Variants in IGFBP2 observed in about 807,000 individuals in gnomAD.
IGFBP2 encodes insulin-like growth factor-binding protein 2.
Under a neutral mutation model 26.2 loss-of-function variants are expected in IGFBP2, and 12 were observed. The observed-to-expected ratio is 0.46, with a 90% confidence interval of 0.29 to 0.74. IGFBP2 has a LOEUF of 0.74. Among genes scored for constraint, IGFBP2 ranks in the 30% least tolerant of loss-of-function variants. IGFBP2 has a pLI of 0.09. For synonymous variants in IGFBP2, 189 were observed against 200.6 expected, an observed-to-expected ratio of 0.94 and a Z score of 0.49; for missense variants, 328 against 441.2, an observed-to-expected ratio of 0.74 and a Z score of 2.30.
At chr2:216,663,903 C>G (rs763132788) in intron 3 of IGFBP2, 37 bp from the exon 4 acceptor site, 1 of 1,585,444 alleles carries the variant, frequency 6.3e-7, no homozygotes, top group South Asian at 1.1e-5. Flanking sequence ...AAGTTGCTGG[C>G]TGCGGGCTCC....
rs1284208940 is a variant in IGFBP2 at position 216,633,504 on chromosome 2, C to CCGCGCTGCCGACCGCCAG, written c.-18_-1dup. Reference sequence around the variant, plus strand: ...CCCGCTCGCTCGCTCGCCCGCCGCGCCGCGCTGCCGACCGCCAGCATGCTG... The same window carrying CCGCGCTGCCGACCGCCAG: ...CCCGCTCGCTCGCTCGCCCGCCGCGCCGCGCTGCCGACCGCCAGCGCGCTGCCGACCGCCAGCATGCTG... On this transcript the variant is annotated 5_prime_UTR_variant, in exon 1 of 4. Coordinates refer to ENST00000233809, the MANE Select transcript of IGFBP2 (RefSeq NM_000597.3). 1 of 703,110 alleles carries CCGCGCTGCCGACCGCCAG rather than the reference C, an allele frequency of 1.4e-6. No homozygotes were observed. Among genetic ancestry groups the CCGCGCTGCCGACCGCCAG allele is most frequent in the Non-Finnish European group, 1.8e-6 (1 of 569,588 alleles). 43.6% of individuals were successfully genotyped at this position (703,110 alleles called of 1,614,324 possible).
At chr2:216,635,844 C>T (rs892652516) in intron 1 of IGFBP2, among the ~76,000 whole-genome samples, 3 of 152,130 alleles carry the variant, frequency 2.0e-5, no homozygotes, top group African/African-American at 7.2e-5. Context: ...GGTTATGGGA[C>T]TCCCTTCCGC....
intron 1 of IGFBP2, among the ~76,000 whole-genome samples, chr2:216,654,375 C>T (rs1037520534): frequency 6.6e-6 from 1 of 152,128 alleles, no homozygotes; most frequent in African/African-American, 2.4e-5. Flanking sequence ...CCCAGTTGCC[C>T]ATAGGAGGTG....
intron 1 of IGFBP2, among the ~76,000 whole-genome samples, chr2:216,658,937 TAAG>T (rs1278075583): frequency 6.6e-6 from 1 of 152,204 alleles, no homozygotes; most frequent in Non-Finnish European, 1.5e-5. Context: ...AACTTACAGT[TAAG>T]AAAGTAGAGG....
At chr2:216,653,313 C>T (rs1429037187) in intron 1 of IGFBP2, among the ~76,000 whole-genome samples, 1 of 152,174 alleles carries the variant, frequency 6.6e-6, no homozygotes, top group African/African-American at 2.4e-5. Context: ...TTCTATCAAA[C>T]ACAAGAGTTT....
chr2:216,636,353 C>G (rs1232060142), intron 1 of IGFBP2, among the ~76,000 whole-genome samples: 1 of 152,110 alleles, frequency 6.6e-6, no homozygotes, highest in African/African-American at 2.4e-5. Context: ...TTCGAGGCAG[C>G]GAACCTCAGC....
intron 3 of IGFBP2, chr2:216,663,717 G>T (rs563559755): frequency 8.3e-6 from 4 of 481,746 alleles, no homozygotes; most frequent in Non-Finnish European, 1.5e-5. Flanking sequence ...TCAGCATCAC[G>T]TTGGAGCTCG....
At chr2:216,637,989 A>T (rs1215924341) in intron 1 of IGFBP2, among the ~76,000 whole-genome samples, 1 of 151,958 alleles carries the variant, frequency 6.6e-6, no homozygotes, top group African/African-American at 2.4e-5. Context: ...GAGTTTGGAG[A>T]CCAGCCTGGC....
chr2:216,660,889 T>C (rs1688626920), intron 2 of IGFBP2, 103 bp downstream of exon 2: 3 of 849,422 alleles, frequency 3.5e-6, no homozygotes, highest in Non-Finnish European at 5.5e-6. Context: ...GTGTGACCTG[T>C]AGGCAAAGCA....
chr2:216,643,012 C>T (rs1414680036), intron 1 of IGFBP2, among the ~76,000 whole-genome samples: 1 of 152,120 alleles, frequency 6.6e-6, no homozygotes, highest in African/African-American at 2.4e-5. Context: ...TCCAAGTGGT[C>T]CTAGCACATT....
At position 216,633,538 on chromosome 2, in the gene IGFBP2, G is replaced by T; in HGVS notation, c.15G>T (p.Val5=). 1.1e-6 allele frequency: 1 copy of T among 905,546 alleles called. No homozygotes were observed. The highest frequency in any genetic ancestry group is 1.3e-6 in the Non-Finnish European group (1 of 751,942). 56.1% of individuals were successfully genotyped at this position (905,546 alleles called of 1,614,324 possible). A position where few individuals can be genotyped will look rare whatever the true frequency, so the allele number is the denominator to read the frequency against. Residue 5 remains valine, a synonymous_variant, in exon 1 of 4, where the codon GTG becomes GTT. Transcript: ENST00000233809. ...CGACCGCCAGCATGCTGCCGAGAGT[G>T]GGCTGCCCCGCGCTGCCGCTGCCGC... MLPR[V]GCPALPLPPP...
At chr2:216,649,198 A>G (rs1697771697) in intron 1 of IGFBP2, among the ~76,000 whole-genome samples, 1 of 152,316 alleles carries the variant, frequency 6.6e-6, no homozygotes, top group South Asian at 2.1e-4. Flanking sequence ...TAAAGGTTTT[A>G]TTTTCCCTCT....
At chr2:216,653,517 C>A (rs1243265413) in intron 1 of IGFBP2, among the ~76,000 whole-genome samples, 1 of 152,184 alleles carries the variant, frequency 6.6e-6, no homozygotes, top group Non-Finnish European at 1.5e-5. Flanking sequence ...AATGTAGGGA[C>A]CCCATGATAA....
intron 2 of IGFBP2, 67 bp from the exon 3 acceptor site, chr2:216,661,791 C>T (rs3732018): frequency 1.0e-5 from 16 of 1,586,046 alleles, no homozygotes; most frequent in Admixed American, 8.4e-5. Flanking sequence ...GCTGAGCTTG[C>T]GTCTGGCGCG....
intron 1 of IGFBP2, among the ~76,000 whole-genome samples, chr2:216,647,551 C>T (rs1024674645): frequency 6.6e-6 from 1 of 152,034 alleles, no homozygotes; most frequent in African/African-American, 2.4e-5. Flanking sequence ...ACAGAGTCCC[C>T]CTGTTATGCC....
intron 1 of IGFBP2, among the ~76,000 whole-genome samples, chr2:216,650,679 A>G (rs537719830): frequency 6.6e-6 from 1 of 152,292 alleles, no homozygotes; most frequent in East Asian, 1.9e-4. Context: ...GATTCTCAGA[A>G]GAGAAAGGCC....
chr2:216,658,526 TTTTATTTA>T (rs143672936), intron 1 of IGFBP2, among the ~76,000 whole-genome samples: 3,779 of 146,294 alleles, frequency 0.026, 159 homozygotes, highest in African/African-American at 0.089. Flanking sequence ...CCAGGTCGTC[TTTTATTTA>T]TTTATTTATT....
chr2:216,663,932 C>T lies in IGFBP2; in HGVS notation c.814-8C>T, dbSNP rs549690196. ...GGGCTCCTCCATGCTCTTCTCCTCT[C>T]TCCCCAGTGCAAGATGTCTCTGAAC... On this transcript the variant is annotated splice_region_variant and splice_polypyrimidine_tract_variant and intron_variant, in intron 3 of 3. Coordinates refer to ENST00000233809, the MANE Select transcript of IGFBP2 (RefSeq NM_000597.3). The T allele has an allele frequency of 3.1e-5, 50 of 1,612,976 alleles. No homozygotes were observed. In the South Asian group the frequency reaches 5.2e-4, roughly 17 times the overall value.
At chr2:216,647,819 C>T (rs562593102) in intron 1 of IGFBP2, among the ~76,000 whole-genome samples, 1 of 152,182 alleles carries the variant, frequency 6.6e-6, no homozygotes, top group Admixed American at 6.6e-5. Flanking sequence ...TGCGCCCGGC[C>T]CTTATTTATT....
Sources: allele counts gnomAD v4.1 joint callset (sites outside exome capture counted in the v4.1 genomes callset), GRCh38; gene constraint gnomAD v4.1.1; transcripts MANE v1.5; gene names NCBI Gene and HGNC (gene_info 2026-07-23, HGNC 2026-07-21).